Variants in CCSER1 observed in about 807,000 individuals in gnomAD.
The protein encoded by CCSER1 is serine-rich coiled-coil domain-containing protein 1.
In CCSER1, 41 loss-of-function variants were observed where a neutral mutation model predicts 82.0. That is an observed-to-expected ratio of 0.50 (90% CI 0.39 to 0.65). The LOEUF is 0.65. Among genes scored for constraint, CCSER1 ranks in the 30% least tolerant of loss-of-function variants. The probability of loss-of-function intolerance (pLI) is 0.00; values close to 1 mark genes in which losing one functional copy is unlikely to be tolerated. For synonymous variants in CCSER1, 414 were observed against 383.9 expected, an observed-to-expected ratio of 1.08 and a Z score of -0.92; for missense variants, 1,119 against 1,064.2, an observed-to-expected ratio of 1.05 and a Z score of -0.72.
chr4:90,483,083 T>C (rs1766342167), intron 5 of CCSER1, among the ~76,000 whole-genome samples: 1 of 152,192 alleles, frequency 6.6e-6, no homozygotes, highest in Non-Finnish European at 1.5e-5. Flanking sequence ...ATATTTAGGA[T>C]AGTTAGTTCT....
chr4:90,660,207 A>G (rs1178012849), intron 6 of CCSER1, among the ~76,000 whole-genome samples: 20 of 152,058 alleles, frequency 1.3e-4, no homozygotes. Flanking sequence ...AGAAATCATT[A>G]TATCAAAAAG....
chr4:90,978,783 A>G (rs372679099), intron 9 of CCSER1, among the ~76,000 whole-genome samples: 40 of 151,850 alleles, frequency 2.6e-4, no homozygotes, highest in African/African-American at 9.6e-4. Context: ...TGAAGAAGTC[A>G]TTGATGGGAA....
chr4:91,335,873 G>A (rs1747291912), intron 10 of CCSER1, among the ~76,000 whole-genome samples: 1 of 152,040 alleles, frequency 6.6e-6, no homozygotes, highest in African/African-American at 2.4e-5. Context: ...GTGTGGAAGA[G>A]TAATTTGAGT....
intron 10 of CCSER1, among the ~76,000 whole-genome samples, chr4:91,110,863 T>C (rs1241323493): frequency 1.3e-5 from 2 of 149,180 alleles, no homozygotes; most frequent in African/African-American, 2.4e-5. Context: ...TCCTTTTGCC[T>C]TTCATATATT....
rs55747744 is a variant in CCSER1 at position 91,173,593 on chromosome 4, CAAAAAAAAAAAAAAA to C, written c.2217+87611_2217+87625del. Among the ~76,000 whole-genome samples, 26 of 104,732 alleles carry C rather than the reference CAAAAAAAAAAAAAAA, an allele frequency of 2.5e-4. No homozygotes were observed. In the Admixed American group the frequency reaches 2.6e-3, roughly 10 times the overall value. 68.7% of individuals were successfully genotyped at this position (104,732 alleles called of 152,430 possible). A position where few individuals can be genotyped will look rare whatever the true frequency, so the allele number is the denominator to read the frequency against. On this transcript the variant is annotated intron_variant, in intron 10 of 10. Coordinates refer to ENST00000509176, the MANE Select transcript of CCSER1 (RefSeq NM_001145065.2). ...TGGGCGACAGAGTGAGACTCCGTCTCAAAAAAAAAAAAAAAAAAAAAAAAAAGTGATAAGAGTCTC... is the reference window on the plus strand; with the variant it reads ...TGGGCGACAGAGTGAGACTCCGTCTCAAAAAAAAAAAGTGATAAGAGTCTC...
chr4:90,948,047 G>T (rs1209221215), intron 9 of CCSER1, among the ~76,000 whole-genome samples: 1 of 151,862 alleles, frequency 6.6e-6, no homozygotes, highest in Non-Finnish European at 1.5e-5. Context: ...ATTGTCTACT[G>T]TAATTTTAGT....
At chr4:91,087,429 G>T (rs1723497177) in intron 10 of CCSER1, among the ~76,000 whole-genome samples, 1 of 152,020 alleles carries the variant, frequency 6.6e-6, no homozygotes, top group Non-Finnish European at 1.5e-5. Context: ...TATTGAAAGA[G>T]TGGCTCTTAA....
At chr4:90,906,103 T>C (rs1449717250) in intron 8 of CCSER1, among the ~76,000 whole-genome samples, 1 of 152,180 alleles carries the variant, frequency 6.6e-6, no homozygotes, top group Non-Finnish European at 1.5e-5. Context: ...ATTTGAAAGA[T>C]GAATAAACAG....
At chr4:90,591,746 G>A (rs1279596877) in intron 5 of CCSER1, among the ~76,000 whole-genome samples, 1 of 152,106 alleles carries the variant, frequency 6.6e-6, no homozygotes, top group Non-Finnish European at 1.5e-5. Flanking sequence ...TATGTTTATT[G>A]GAACACTATT....
chr4:90,702,721 A>C (rs1738421509), intron 6 of CCSER1, among the ~76,000 whole-genome samples: 1 of 152,088 alleles, frequency 6.6e-6, no homozygotes, highest in Admixed American at 6.5e-5. Context: ...GTGTCCAGTA[A>C]TTTATCCATT....
intron 10 of CCSER1, among the ~76,000 whole-genome samples, chr4:91,110,196 A>T (rs180788201): frequency 3.1e-3 from 464 of 151,522 alleles, no homozygotes; most frequent in Non-Finnish European, 5.0e-3. Context: ...AATGGAATTT[A>T]AAAAAAAATT....
In CCSER1 at chr4:90,811,983, T is replaced by TAAACACACACACACACAC. The variant is rs1435975989; in HGVS notation, c.2011-3778_2011-3777insAACACACACACACACACA. Among the ~76,000 whole-genome samples the TAAACACACACACACACAC allele has an allele frequency of 5.4e-3, 674 of 124,474 alleles. 3 individuals carry two copies. The highest frequency in any genetic ancestry group is 0.017 in the South Asian group (73 of 4,424). The allele number at this position is 124,474 out of a possible 152,430, so 81.7% of individuals were successfully genotyped here. On this transcript the variant is annotated intron_variant, in intron 7 of 10. Coordinates refer to ENST00000509176, the MANE Select transcript of CCSER1 (RefSeq NM_001145065.2). Reference sequence around the variant, plus strand: ...ATATATATACACATATATATATATATATATATAAACACATATATATATATG... The same window carrying TAAACACACACACACACAC: ...ATATATATACACATATATATATATATAAACACACACACACACACATATATAAACACATATATATATATG...
chr4:90,221,750 G>A (rs1304595371), intron 1 of CCSER1, among the ~76,000 whole-genome samples: 1 of 152,050 alleles, frequency 6.6e-6, no homozygotes, highest in African/African-American at 2.4e-5. Flanking sequence ...CTTTGACAGC[G>A]GAAGTAGGAA....
chr4:91,143,283 G>C (rs998568640), intron 10 of CCSER1, among the ~76,000 whole-genome samples: 1 of 151,110 alleles, frequency 6.6e-6, no homozygotes, highest in Non-Finnish European at 1.5e-5. Context: ...CTCTCAACTT[G>C]AACATTATTG....
intron 8 of CCSER1, among the ~76,000 whole-genome samples, chr4:90,917,714 A>G (rs1178300071): frequency 6.6e-6 from 1 of 152,102 alleles, no homozygotes; most frequent in Non-Finnish European, 1.5e-5. Flanking sequence ...TAGTGATTAA[A>G]GAAAATAAAC....
At chr4:90,408,908 G>C (rs918230413) in intron 4 of CCSER1, among the ~76,000 whole-genome samples, 1 of 152,156 alleles carries the variant, frequency 6.6e-6, no homozygotes, top group Admixed American at 6.5e-5. Context: ...TGGATAACTG[G>C]AATAACCAAT....
intron 10 of CCSER1, among the ~76,000 whole-genome samples, chr4:91,172,581 T>C (rs1732875260): frequency 6.6e-6 from 1 of 152,158 alleles, no homozygotes; most frequent in South Asian, 2.1e-4. Flanking sequence ...TGCCGGGTGC[T>C]TTGCTGAGTG....
intron 1 of CCSER1, among the ~76,000 whole-genome samples, chr4:90,197,999 A>G (rs1294650285): frequency 6.6e-6 from 1 of 152,140 alleles, no homozygotes; most frequent in African/African-American, 2.4e-5. Context: ...TGTTGTACTT[A>G]TTTCACATTG....
chr4:90,838,879 T>G, intron 8 of CCSER1: 1 of 1,612,860 alleles, frequency 6.2e-7, no homozygotes. Context: ...GAATGTACAG[T>G]GCATATTGGC....
Sources: gnomAD v4.1 joint callset for allele counts (sites outside exome capture counted in the v4.1 genomes callset) on GRCh38, gnomAD v4.1.1 for gene constraint, MANE v1.5 for transcripts, NCBI Gene and HGNC (gene_info 2026-07-23, HGNC 2026-07-21) for gene names.